The following DESI1 variants were observed in gnomAD, a reference collection of about 807,000 sequenced individuals.
The protein encoded by DESI1 is desumoylating isopeptidase 1.
In DESI1, 17 loss-of-function variants were observed where a neutral mutation model predicts 22.4. That is an observed-to-expected ratio of 0.76 (90% CI 0.52 to 1.14). The LOEUF (loss-of-function observed/expected upper bound fraction) is 1.14, where lower values mean the gene tolerates loss of function less well. Among genes scored for constraint, DESI1 ranks in the 50% most tolerant of loss-of-function variants. The probability of loss-of-function intolerance (pLI) is 0.00; values close to 1 mark genes in which losing one functional copy is unlikely to be tolerated. For missense variants in DESI1, 177 were observed against 208.9 expected, an observed-to-expected ratio of 0.85 and a Z score of 0.94; for synonymous variants, 92 against 84.2, an observed-to-expected ratio of 1.09 and a Z score of -0.51.
intron 5 of DESI1, 122 bp from the exon 6 acceptor site, chr22:41,601,312 C>T: frequency 2.3e-6 from 2 of 882,130 alleles, no homozygotes. Flanking sequence ...GCAGCACCAG[C>T]AGAGAAGGAA....
At chr22:41,616,930 G>A (rs2147050349) in intron 1 of DESI1, among the ~76,000 whole-genome samples, 1 of 152,308 alleles carries the variant, frequency 6.6e-6, no homozygotes, top group South Asian at 2.1e-4. Flanking sequence ...TCCCATTGGA[G>A]AACTGACATA....
chr22:41,605,297 G>T (rs867962397), intron 3 of DESI1, among the ~76,000 whole-genome samples: 2 of 152,122 alleles, frequency 1.3e-5, no homozygotes, highest in Non-Finnish European at 1.5e-5. Flanking sequence ...AATGGCTCCC[G>T]AAAGGCCTAC....
Position 41,609,377 on chromosome 22 carries a change from GTAATGT to G in DESI1, c.89-1522_89-1517del, listed in dbSNP as rs2067502957. 2.6e-5 allele frequency among the ~76,000 whole-genome samples: 4 copies of G among 152,218 alleles called. No homozygotes were observed. The East Asian group carries it at 7.7e-4, about 29-fold the overall frequency. On this transcript the variant is annotated intron_variant, in intron 1 of 5. Transcript: ENST00000263256. ...CTCCAGTTCAGAGTTGCTGTGACTGGTAATGTTAATGTATAGAAAGCTTCACAGTAT... is the reference window on the plus strand; with the variant it reads ...CTCCAGTTCAGAGTTGCTGTGACTGGTAATGTATAGAAAGCTTCACAGTAT...
chr22:41,601,777 G>C (rs953224853), intron 5 of DESI1, among the ~76,000 whole-genome samples: 2 of 152,134 alleles, frequency 1.3e-5, no homozygotes, highest in Non-Finnish European at 2.9e-5. Context: ...GCAATGGCGT[G>C]ATCTCGGCTC....
At chr22:41,606,204 T>C (rs2067479141) in intron 3 of DESI1, among the ~76,000 whole-genome samples, 1 of 151,570 alleles carries the variant, frequency 6.6e-6, no homozygotes, top group Non-Finnish European at 1.5e-5. Context: ...TCTAAAAAAA[T>C]AGAAAAAAAT....
chr22:41,601,367 A>G (rs58079771), intron 5 of DESI1, among the ~76,000 whole-genome samples, 177 bp from the exon 6 acceptor site: 10,169 of 152,180 alleles, frequency 0.067, 1,097 homozygotes, highest in African/African-American at 0.23. Flanking sequence ...TGCCTCACAC[A>G]CCAGTGTTCT....
chr22:41,607,581 G>T (rs1303637873), intron 2 of DESI1, among the ~76,000 whole-genome samples: 2 of 152,140 alleles, frequency 1.3e-5, no homozygotes, highest in Non-Finnish European at 2.9e-5. Flanking sequence ...CTAGTCTGTT[G>T]AGCAGCGTCC....
intron 1 of DESI1, among the ~76,000 whole-genome samples, chr22:41,617,908 G>A (rs1261292561): frequency 6.6e-6 from 1 of 152,170 alleles, no homozygotes; most frequent in African/African-American, 2.4e-5. Context: ...CCTTCTTTCA[G>A]TTCCAGTATC....
chr22:41,607,326 G>A lies in DESI1; in HGVS notation c.116C>T (p.Thr39Ile), dbSNP rs776291895. The A allele has an allele frequency of 5.6e-6, 9 of 1,611,542 alleles. No homozygotes were observed. The highest frequency in any genetic ancestry group is 6.8e-6 in the Non-Finnish European group (8 of 1,179,072). ...LGKQLEGIWH[T>I]SIVVHKDEFF... Reference sequence around the variant, plus strand: ...CTCATCCTTGTGCACAACTATGGATGTGTGCCTGTCACACAGAGAGAGACA... The same window carrying A: ...CTCATCCTTGTGCACAACTATGGATATGTGCCTGTCACACAGAGAGAGACA... Residue 39 changes from threonine (T) to isoleucine (I), a missense_variant, in exon 3 of 6, where the codon ACA becomes ATA. Coordinates refer to ENST00000263256, the MANE Select transcript of DESI1 (RefSeq NM_015704.3).
intron 1 of DESI1, among the ~76,000 whole-genome samples, chr22:41,608,300 C>G (rs1417842450): frequency 3.9e-5 from 6 of 152,180 alleles, no homozygotes; most frequent in African/African-American, 1.2e-4. Context: ...GCACGTTATT[C>G]TACCTCTATG....
At chr22:41,615,819 C>T (rs2067547639) in intron 1 of DESI1, among the ~76,000 whole-genome samples, 1 of 152,230 alleles carries the variant, frequency 6.6e-6, no homozygotes, top group Non-Finnish European at 1.5e-5. Flanking sequence ...TATTTCAAAG[C>T]CTAACATAGT....
At position 41,600,889 on chromosome 22, in the gene DESI1, A is replaced by G. The variant is rs1315748051; in HGVS notation, c.*208T>C. The G allele has an allele frequency of 5.3e-6, 3 of 562,260 alleles. No homozygotes were observed. The highest frequency in any genetic ancestry group is 6.1e-5 in the East Asian group (2 of 32,790). The allele number at this position is 562,260 out of a possible 1,614,324, so 34.8% of individuals were successfully genotyped here. A position where few individuals can be genotyped will look rare whatever the true frequency, so the allele number is the denominator to read the frequency against. On this transcript the variant is annotated 3_prime_UTR_variant, in exon 6 of 6. Transcript: ENST00000263256. Reference sequence around the variant, plus strand: ...GACAAGACAGCCTTAATAAATTAGTATAATACTATTAGAAGGGGTGGCATT... The same window carrying G: ...GACAAGACAGCCTTAATAAATTAGTGTAATACTATTAGAAGGGGTGGCATT...
intron 5 of DESI1, chr22:41,602,508 G>A (rs189223247): frequency 7.1e-6 from 7 of 985,436 alleles, no homozygotes; most frequent in Non-Finnish European, 7.2e-6. Context: ...CACCTTGCTG[G>A]GCCTGCGAAA....
chr22:41,619,386 AAC>A (rs1327666764), intron 1 of DESI1, among the ~76,000 whole-genome samples: 1 of 152,206 alleles, frequency 6.6e-6, no homozygotes, highest in East Asian at 1.9e-4. Flanking sequence ...AGAGGTAAGA[AAC>A]AGTTTACAGC....
chr22:41,617,321 T>A (rs1052032681), intron 1 of DESI1, among the ~76,000 whole-genome samples: 3 of 152,168 alleles, frequency 2.0e-5, no homozygotes, highest in African/African-American at 7.2e-5. Flanking sequence ...ATAACAGGAC[T>A]TATCTCACAA....
chr22:41,611,876 C>CGG (rs1331074774), intron 1 of DESI1, among the ~76,000 whole-genome samples: 2 of 152,174 alleles, frequency 1.3e-5, no homozygotes, highest in African/African-American at 2.4e-5. Context: ...CAGGCGTGAG[C>CGG]TACCGCGCCT....
chr22:41,607,903 A>G (rs767293350), intron 1 of DESI1, 42 bp from the exon 2 acceptor site: 1 of 1,612,590 alleles, frequency 6.2e-7, no homozygotes, highest in Admixed American at 1.7e-5. Flanking sequence ...GGACTAGAAT[A>G]AGTGGCCCCT....
intron 2 of DESI1, 26 bp downstream of exon 2, chr22:41,607,814 A>C: frequency 6.2e-7 from 1 of 1,614,136 alleles, no homozygotes; most frequent in Non-Finnish European, 8.5e-7. Flanking sequence ...AAAACTAGTC[A>C]AAGTAAGGAG....
At chr22:41,616,525 AAC>A (rs55785001) in intron 1 of DESI1, among the ~76,000 whole-genome samples, 2,657 of 146,618 alleles carry the variant, frequency 0.018, 39 homozygotes, top group South Asian at 0.054. Context: ...CCACAATTAA[AAC>A]ACACACACAC....
Sources: gnomAD v4.1 joint callset for allele counts (sites outside exome capture counted in the v4.1 genomes callset) on GRCh38, gnomAD v4.1.1 for gene constraint, MANE v1.5 for transcripts, NCBI Gene and HGNC (gene_info 2026-07-23, HGNC 2026-07-21) for gene names.